The following IFT25 variants were observed in gnomAD, a reference collection of about 807,000 sequenced individuals.
The protein encoded by IFT25 is intraflagellar transport protein 25 homolog.
At chr1:53,924,759 C>A in the IFT25 span, among the ~76,000 whole-genome samples, 1 of 152,136 alleles carries the variant, frequency 6.6e-6, no homozygotes, top group East Asian at 1.9e-4. Context: ...ATGGCGTGAA[C>A]CCAGGAGGCG....
chr1:53,922,434 A>G, the IFT25 span, among the ~76,000 whole-genome samples: 1 of 151,674 alleles, frequency 6.6e-6, no homozygotes, highest in East Asian at 1.9e-4. Flanking sequence ...AGTATTTTTC[A>G]TAATAAAGAA....
At chr1:53,929,185 A>G in the IFT25 span, among the ~76,000 whole-genome samples, 1 of 152,084 alleles carries the variant, frequency 6.6e-6, no homozygotes, top group Non-Finnish European at 1.5e-5. Context: ...TGGGGTGGGG[A>G]AGGGAGATCA....
chr1:53,929,770 A>G, the IFT25 span: 186 of 326,472 alleles, frequency 5.7e-4, no homozygotes, highest in African/African-American at 3.8e-3. Context: ...AGTAAATTGC[A>G]TGGAAATTAT....
the IFT25 span, chr1:53,928,485 G>GT: frequency 1.4e-6 from 2 of 1,419,210 alleles, no homozygotes; most frequent in Non-Finnish European, 2.0e-6. Flanking sequence ...CTGGCTGTAT[G>GT]TTTTTGTCCC....
the IFT25 span, among the ~76,000 whole-genome samples, chr1:53,941,617 T>C: frequency 2.6e-5 from 4 of 152,318 alleles, no homozygotes; most frequent in Admixed American, 6.5e-5. Context: ...GGGATGAACA[T>C]TGTCAAGCCT....
At chr1:53,923,949 TA>T in the IFT25 span, 2 of 1,584,236 alleles carry the variant, frequency 1.3e-6, no homozygotes, top group Non-Finnish European at 8.7e-7. Flanking sequence ...GTACCAAATC[TA>T]AAACATAAAT....
At chr1:53,930,290 C>A in the IFT25 span, 1 of 776,020 alleles carries the variant, frequency 1.3e-6, no homozygotes, top group Non-Finnish European at 1.9e-6. Context: ...AATCTCTCTC[C>A]AACTTTAATA....
At chr1:53,919,589 A>T in the IFT25 span, among the ~76,000 whole-genome samples, 2 of 152,364 alleles carry the variant, frequency 1.3e-5, no homozygotes, top group African/African-American at 4.8e-5. Context: ...TTGTGAGCAA[A>T]TGAAATTGTT....
At chr1:53,940,335 CAAACAAAA>C in the IFT25 span, among the ~76,000 whole-genome samples, 128 of 151,896 alleles carry the variant, frequency 8.4e-4, no homozygotes, top group African/African-American at 3.0e-3. Context: ...CTACCCTAGC[CAAACAAAA>C]AAACAAAAAC....
At chr1:53,925,157 G>A in the IFT25 span, among the ~76,000 whole-genome samples, 7 of 151,838 alleles carry the variant, frequency 4.6e-5, no homozygotes, top group South Asian at 4.2e-4. Context: ...TTTTAAAACC[G>A]AAATCCCCTC....
At chr1:53,917,139 C>T in the IFT25 span, 1 of 157,158 alleles carries the variant, frequency 6.4e-6, no homozygotes, top group Non-Finnish European at 1.4e-5. Flanking sequence ...AGCAAAACTA[C>T]ATCTCAAAAA....
chr1:53,923,300 T>TAG, the IFT25 span, among the ~76,000 whole-genome samples: 1 of 152,048 alleles, frequency 6.6e-6, no homozygotes, highest in East Asian at 1.9e-4. Context: ...GACCACCTAA[T>TAG]AGATATTCAG....
chr1:53,938,778 T>TA, the IFT25 span, among the ~76,000 whole-genome samples: 1 of 151,996 alleles, frequency 6.6e-6, no homozygotes, highest in Non-Finnish European at 1.5e-5. Context: ...CCAGAACTAT[T>TA]AAAAAAGGAG....
the IFT25 span, among the ~76,000 whole-genome samples, chr1:53,912,964 A>G: frequency 6.6e-6 from 1 of 152,156 alleles, no homozygotes; most frequent in Admixed American, 6.5e-5. Flanking sequence ...CCGCTGCTAT[A>G]GTAGGTGTTG....
chr1:53,914,166 T>C, the IFT25 span, among the ~76,000 whole-genome samples: 2 of 152,146 alleles, frequency 1.3e-5, no homozygotes, highest in African/African-American at 4.8e-5. Context: ...GCAGCCCTCT[T>C]CAATCTAATC....
the IFT25 span, among the ~76,000 whole-genome samples, chr1:53,944,322 G>A: frequency 6.6e-6 from 1 of 152,146 alleles, no homozygotes; most frequent in South Asian, 2.1e-4. Context: ...TGGGCAACAT[G>A]GTGAAACCCC....
the IFT25 span, among the ~76,000 whole-genome samples, chr1:53,935,044 T>C: frequency 4.6e-5 from 7 of 152,060 alleles, no homozygotes; most frequent in African/African-American, 1.4e-4. Flanking sequence ...GGCTGGGGGT[T>C]GTGGCTTACG....
chr1:53,942,776 C>T, the IFT25 span, among the ~76,000 whole-genome samples: 2 of 152,188 alleles, frequency 1.3e-5, no homozygotes, highest in Admixed American at 1.3e-4. Flanking sequence ...ATAAAACAAC[C>T]TAAGTGACTA....
the IFT25 span, among the ~76,000 whole-genome samples, chr1:53,933,853 A>AT: frequency 1.5e-4 from 22 of 147,648 alleles, no homozygotes; most frequent in East Asian, 9.7e-4. Flanking sequence ...TAATTCCTCT[A>AT]TTTTTTTTTA....
Sources: gnomAD v4.1 joint callset for allele counts (sites outside exome capture counted in the v4.1 genomes callset) on GRCh38, gnomAD v4.1.1 for gene constraint, MANE v1.5 for transcripts, NCBI Gene and HGNC (gene_info 2026-07-23, HGNC 2026-07-21) for gene names.